The following EDC3 variants were observed in gnomAD, a reference collection of about 807,000 sequenced individuals.
The protein encoded by EDC3 is enhancer of mRNA-decapping protein 3.
Under a neutral mutation model 41.8 loss-of-function variants are expected in EDC3, and 20 were observed. The ratio of observed to expected loss-of-function variants is 0.48; its 90% CI spans 0.34 to 0.70. EDC3 has a LOEUF of 0.70. Among genes scored for constraint, EDC3 ranks in the 30% least tolerant of loss-of-function variants. The pLI is 0.01. For missense variants in EDC3, 444 were observed against 636.8 expected, an observed-to-expected ratio of 0.70 and a Z score of 3.26; for synonymous variants, 206 against 243.2, an observed-to-expected ratio of 0.85 and a Z score of 1.42.
chr15:74,690,995 A>G (rs1421257178), intron 1 of EDC3, among the ~76,000 whole-genome samples: 1 of 152,100 alleles, frequency 6.6e-6, no homozygotes, highest in Non-Finnish European at 1.5e-5. Context: ...AGGAGTTCAA[A>G]GCCAGCCTGG....
chr15:74,684,113 G>A (rs1043364012), intron 1 of EDC3, among the ~76,000 whole-genome samples: 18 of 123,270 alleles, frequency 1.5e-4, no homozygotes, highest in African/African-American at 5.8e-4. Flanking sequence ...TTGGCTCACT[G>A]CAGCCTCCTG....
intron 5 of EDC3, chr15:74,638,248 A>C (rs1385739367): frequency 2.0e-5 from 3 of 149,570 alleles, no homozygotes; most frequent in African/African-American, 7.4e-5. Context: ...ATATGATCTC[A>C]TCTACTCTTA....
rs562405316 is a variant in EDC3, at chr15:74,695,933, C to T, written c.-72G>A. 1 of 152,936 alleles carries T rather than the reference C, an allele frequency of 6.5e-6. No individual in the cohort carries two copies. Among genetic ancestry groups the T allele is most frequent in the African/African-American group, 2.4e-5 (1 of 41,460 alleles). The allele number at this position is 152,936 out of a possible 1,614,324, so 9.5% of individuals were successfully genotyped here. On this transcript the variant is annotated 5_prime_UTR_variant, in exon 1 of 7. Transcript: ENST00000315127. ...CGCACACCACACCAAGCCGACCACT[C>T]AACACCAGAGGACCCACAGAAGAAT... is the stretch of plus-strand genomic sequence containing the variant.
rs2062205404 is a variant in EDC3 at position 74,631,396 on chromosome 15, C to G, written c.*1216G>C. 1 of 152,240 alleles carries G rather than the reference C, an allele frequency of 6.6e-6. No homozygotes were observed. Among genetic ancestry groups the G allele is most frequent in the Admixed American group, 6.5e-5 (1 of 15,288 alleles). The allele number at this position is 152,240 out of a possible 1,614,324, so 9.4% of individuals were successfully genotyped here. On this transcript the variant is annotated 3_prime_UTR_variant, in exon 7 of 7. Transcript: ENST00000315127. The stretch of plus-strand genomic sequence containing the variant: ...GATCCTGTTCTACCAGCCTCCAGGG[C>G]CTAGAGCTTGGCACCTTAGGATTTG...
intron 1 of EDC3, 55 bp downstream of exon 1, chr15:74,695,825 C>T (rs545927738): frequency 1.3e-5 from 2 of 153,346 alleles, no homozygotes; most frequent in African/African-American, 4.8e-5. Context: ...TAAAGCAACC[C>T]CGGCAGCCCC....
At chr15:74,672,032 C>T (rs950671257) in intron 2 of EDC3, among the ~76,000 whole-genome samples, 4 of 151,398 alleles carry the variant, frequency 2.6e-5, no homozygotes, top group Non-Finnish European at 5.9e-5. Flanking sequence ...GAGGCCGAGG[C>T]GGGCGGATCA....
intron 1 of EDC3, among the ~76,000 whole-genome samples, chr15:74,691,151 A>T (rs916887250): frequency 1.3e-5 from 2 of 151,710 alleles, no homozygotes; most frequent in Admixed American, 6.6e-5. Context: ...AAAAAAAAAA[A>T]GAAAAAAATG....
At position 74,635,661 on chromosome 15, in the gene EDC3, A is replaced by G. The variant is rs762786096; in HGVS notation, c.975-35T>C. 66 of 1,586,768 alleles carry G rather than the reference A, an allele frequency of 4.2e-5. No individual in the cohort carries two copies. In the East Asian group the frequency reaches 8.7e-4, roughly 21 times the overall value. ...AAGGTGAAGAAGCAGTATCAGCTAC[A>G]TACTTGCCAATCCCTTGCACCCTAT... On this transcript the variant is annotated intron_variant, in intron 5 of 6. Transcript: ENST00000315127.
At chr15:74,674,887 AC>A (rs1338596009) in intron 2 of EDC3, 73 bp downstream of exon 2, 1 of 1,547,374 alleles carries the variant, frequency 6.5e-7, no homozygotes, top group Non-Finnish European at 8.9e-7. Flanking sequence ...CCAAGAGAAT[AC>A]TAGCAATCAG....
intron 1 of EDC3, among the ~76,000 whole-genome samples, chr15:74,694,158 C>T (rs967005024): frequency 2.6e-5 from 4 of 152,132 alleles, no homozygotes; most frequent in African/African-American, 7.2e-5. Context: ...AATGATACAT[C>T]TTCCATTTTG....
At chr15:74,682,749 G>A (rs556286339) in intron 1 of EDC3, among the ~76,000 whole-genome samples, 5 of 151,820 alleles carry the variant, frequency 3.3e-5, no homozygotes, top group South Asian at 2.1e-4. Flanking sequence ...TGGGCTGGGC[G>A]CAGTGGCTCA....
At chr15:74,650,812 A>G (rs2062471636) in intron 4 of EDC3, among the ~76,000 whole-genome samples, 1 of 152,154 alleles carries the variant, frequency 6.6e-6, no homozygotes, top group Non-Finnish European at 1.5e-5. Flanking sequence ...AGCCTGGCCA[A>G]TATGGTGAAA....
chr15:74,646,083 G>C (rs1375937115), intron 4 of EDC3, among the ~76,000 whole-genome samples: 1 of 69,472 alleles, frequency 1.4e-5, no homozygotes, highest in Non-Finnish European at 3.1e-5. Flanking sequence ...TTTTTTTTTT[G>C]AGACAGAGTT....
intron 4 of EDC3, among the ~76,000 whole-genome samples, chr15:74,647,007 CTT>C (rs573421456): frequency 0.025 from 3,303 of 134,102 alleles, 127 homozygotes; most frequent in African/African-American, 0.084. Context: ...CTTTCCAGAC[CTT>C]TTTTTTTTTT....
chr15:74,678,885 G>A (rs568064093), intron 1 of EDC3, among the ~76,000 whole-genome samples: 3 of 118,130 alleles, frequency 2.5e-5, no homozygotes, highest in African/African-American at 1.1e-4. Context: ...GCGAGACTCC[G>A]TCTCAGAAAA....
intron 1 of EDC3, among the ~76,000 whole-genome samples, chr15:74,690,356 G>A (rs2062992813): frequency 6.6e-6 from 1 of 152,170 alleles, no homozygotes; most frequent in African/African-American, 2.4e-5. Flanking sequence ...GGATAACAAA[G>A]TCAGGTAGCG....
intron 1 of EDC3, chr15:74,687,160 C>T: frequency 6.6e-6 from 1 of 152,158 alleles, no homozygotes; most frequent in Non-Finnish European, 1.5e-5. Context: ...CAAGACCAGG[C>T]TGGGCAACAC....
At position 74,658,399 on chromosome 15, in the gene EDC3, A is replaced by G. The variant is rs1040853673; in HGVS notation, c.485-2331T>C. On this transcript the variant is annotated intron_variant, in intron 3 of 6. Coordinates refer to ENST00000315127, the MANE Select transcript of EDC3 (RefSeq NM_025083.5). The stretch of plus-strand genomic sequence containing the variant: ...CCAAAATATTATATAATCTTATACC[A>G]TCATCTAACTTCTCAGGGTCTTAAC... 1.9e-4 allele frequency among the ~76,000 whole-genome samples: 29 copies of G among 152,192 alleles called. No individual in the cohort carries two copies. In the Middle Eastern group the frequency reaches 0.01, roughly 54 times the overall value.
rs1198669013 is a variant in EDC3 at position 74,630,746 on chromosome 15, G to A, written c.*1866C>T. 1 of 152,270 alleles carries A rather than the reference G, an allele frequency of 6.6e-6. No homozygotes were observed. The highest frequency in any genetic ancestry group is 6.5e-5 in the Admixed American group (1 of 15,286). The allele number at this position is 152,270 out of a possible 1,614,324, so 9.4% of individuals were successfully genotyped here. On this transcript the variant is annotated 3_prime_UTR_variant, in exon 7 of 7. Transcript: ENST00000315127. Reference sequence around the variant, plus strand: ...TACCTCTGGGGAAGGCCCAGGCTAAGGATGAGGGCAGGGACCAGTCCCAGT... The same window carrying A: ...TACCTCTGGGGAAGGCCCAGGCTAAAGATGAGGGCAGGGACCAGTCCCAGT...
Sources: gnomAD v4.1 joint callset for allele counts (sites outside exome capture counted in the v4.1 genomes callset) on GRCh38, gnomAD v4.1.1 for gene constraint, MANE v1.5 for transcripts, NCBI Gene and HGNC (gene_info 2026-07-23, HGNC 2026-07-21) for gene names.